Variants in PDE4D observed in about 807,000 individuals in gnomAD.
PDE4D encodes 3',5'-cyclic-AMP phosphodiesterase 4D.
In PDE4D, 24 loss-of-function variants were observed where a neutral mutation model predicts 87.4. That is an observed-to-expected ratio of 0.27 (90% confidence interval 0.20 to 0.39). The LOEUF (loss-of-function observed/expected upper bound fraction) is 0.39. Ranked by LOEUF, PDE4D falls within the 10% of genes least tolerant of loss-of-function variation. The pLI, the probability that PDE4D is intolerant of heterozygous loss-of-function variation, is 1.00. For synonymous variants in PDE4D, 384 were observed against 383.2 expected, an observed-to-expected ratio of 1.00 and a Z score of -0.02; for missense variants, 714 against 1,041.0, an observed-to-expected ratio of 0.69 and a Z score of 4.32.
chr5:59,086,593 A>G (rs1461865804), intron 5 of PDE4D, among the ~76,000 whole-genome samples: 1 of 152,124 alleles, frequency 6.6e-6, no homozygotes, highest in Non-Finnish European at 1.5e-5. Flanking sequence ...TGAAAACCCC[A>G]GCTTACATTG....
At chr5:60,248,817 A>T (rs1408478820) in intron 1 of PDE4D, among the ~76,000 whole-genome samples, 1 of 152,006 alleles carries the variant, frequency 6.6e-6, no homozygotes, top group Admixed American at 6.6e-5. Flanking sequence ...ATCTCTTTAC[A>T]TTCAGTGCTC....
intron 1 of PDE4D, among the ~76,000 whole-genome samples, chr5:59,500,220 A>G (rs1808045178): frequency 6.6e-6 from 1 of 152,198 alleles, no homozygotes; most frequent in African/African-American, 2.4e-5. Context: ...AACTAATAAT[A>G]GAACCACCAT....
chr5:59,219,169 A>G (rs1017214500), intron 1 of PDE4D, among the ~76,000 whole-genome samples: 27 of 150,878 alleles, frequency 1.8e-4, no homozygotes, highest in Non-Finnish European at 3.2e-4. Context: ...CAATGTGCAC[A>G]TGTACCCTAA....
intron 1 of PDE4D, among the ~76,000 whole-genome samples, chr5:59,417,105 A>G (rs566529566): frequency 6.6e-6 from 1 of 152,276 alleles, no homozygotes; most frequent in South Asian, 2.1e-4. Flanking sequence ...TATTATTTTA[A>G]CATATTGGCT....
At chr5:59,988,445 A>G (rs1215434076) in intron 3 of PDE4D, 46 of 1,294,108 alleles carry the variant, frequency 3.6e-5, no homozygotes, top group Non-Finnish European at 4.6e-5. Flanking sequence ...AACAATCACC[A>G]TCTAAAATAT....
intron 1 of PDE4D, among the ~76,000 whole-genome samples, chr5:59,717,827 T>C (rs907032722): frequency 1.3e-5 from 2 of 152,224 alleles, no homozygotes; most frequent in Non-Finnish European, 2.9e-5. Context: ...ACTATACATA[T>C]ATGTACTCAT....
chr5:59,046,440 G>A (rs1349604939), intron 5 of PDE4D, among the ~76,000 whole-genome samples: 1 of 151,366 alleles, frequency 6.6e-6, no homozygotes, highest in African/African-American at 2.4e-5. Context: ...GTGTGTGTGT[G>A]TGTATGTGTG....
chr5:59,171,990 TATTATATATATAATA>T, intron 5 of PDE4D, among the ~76,000 whole-genome samples: 2 of 77,070 alleles, frequency 2.6e-5, no homozygotes, highest in African/African-American at 1.3e-4. Context: ...AATAAATATA[TATTATATATATAATA>T]AATATATATT....
At chr5:59,664,204 C>A (rs1279154536) in intron 1 of PDE4D, among the ~76,000 whole-genome samples, 1 of 152,116 alleles carries the variant, frequency 6.6e-6, no homozygotes, top group South Asian at 2.1e-4. Context: ...ACCTTCATTT[C>A]CTCCTCCTCA....
intron 1 of PDE4D, among the ~76,000 whole-genome samples, chr5:59,876,832 A>G (rs1289619239): frequency 6.6e-6 from 1 of 152,228 alleles, no homozygotes; most frequent in Non-Finnish European, 1.5e-5. Flanking sequence ...AGAAGTTTTT[A>G]TCTCATAGAA....
At chr5:59,338,446 C>A (rs1007170258) in intron 1 of PDE4D, among the ~76,000 whole-genome samples, 1 of 152,196 alleles carries the variant, frequency 6.6e-6, no homozygotes, top group Non-Finnish European at 1.5e-5. Context: ...ATGGACTCAG[C>A]ATCTCATATT....
chr5:59,391,792 C>T (rs1431926969), intron 1 of PDE4D, among the ~76,000 whole-genome samples: 1 of 151,948 alleles, frequency 6.6e-6, no homozygotes, highest in Non-Finnish European at 1.5e-5. Context: ...TCACATGCTA[C>T]CTTCTGAATG....
intron 1 of PDE4D, among the ~76,000 whole-genome samples, chr5:60,352,419 C>G (rs1050505962): frequency 6.6e-6 from 1 of 152,226 alleles, no homozygotes; most frequent in Admixed American, 6.5e-5. Flanking sequence ...TACACTTTCT[C>G]TCTGCTCAAA....
intron 1 of PDE4D, among the ~76,000 whole-genome samples, chr5:60,426,912 A>T (rs1255332976): frequency 6.6e-6 from 1 of 152,188 alleles, no homozygotes; most frequent in Non-Finnish European, 1.5e-5. Context: ...CTAAAAAAAA[A>T]TAAAAATGAA....
At chr5:60,117,709 C>A (rs2149370919) in intron 2 of PDE4D, among the ~76,000 whole-genome samples, 1 of 152,108 alleles carries the variant, frequency 6.6e-6, no homozygotes, top group Middle Eastern at 3.4e-3. Flanking sequence ...GGTTCCTTTC[C>A]TTTTCTCACC....
chr5:59,753,600 G>T (rs1490200817), intron 1 of PDE4D, among the ~76,000 whole-genome samples: 2 of 152,134 alleles, frequency 1.3e-5, no homozygotes, highest in Non-Finnish European at 1.5e-5. Flanking sequence ...CACTTGTGGT[G>T]CAGGGAACAT....
chr5:59,140,933 T>C (rs1192193751), intron 5 of PDE4D, among the ~76,000 whole-genome samples: 1 of 152,192 alleles, frequency 6.6e-6, no homozygotes, highest in African/African-American at 2.4e-5. Flanking sequence ...CCTTTAAAGA[T>C]AAAAATTATA....
At chr5:60,120,619 T>C (rs1391221014) in intron 2 of PDE4D, among the ~76,000 whole-genome samples, 1 of 152,172 alleles carries the variant, frequency 6.6e-6, no homozygotes, top group Non-Finnish European at 1.5e-5. Context: ...TTTTGAGGTT[T>C]GGTTTGGCCC....
intron 1 of PDE4D, among the ~76,000 whole-genome samples, chr5:60,278,963 A>G (rs1272675964): frequency 6.6e-6 from 1 of 152,208 alleles, no homozygotes; most frequent in Non-Finnish European, 1.5e-5. Flanking sequence ...AGAATAATTT[A>G]TTAAAACCTG....
Sources: gnomAD v4.1 joint callset for allele counts (sites outside exome capture counted in the v4.1 genomes callset) on GRCh38, gnomAD v4.1.1 for gene constraint, MANE v1.5 for transcripts, NCBI Gene and HGNC (gene_info 2026-07-23, HGNC 2026-07-21) for gene names.